The following ATP11B variants were observed in gnomAD, a reference collection of about 807,000 sequenced individuals.
ATP11B encodes the protein phospholipid-transporting ATPase IF.
In ATP11B, 81 loss-of-function variants were observed where a neutral mutation model predicts 157.8. The observed-to-expected ratio is 0.51, with a 90% CI of 0.43 to 0.62. The LOEUF is 0.62. ATP11B is among the 20% of genes least tolerant of loss of function. ATP11B has a pLI of 0.00. For synonymous variants in ATP11B, 451 were observed against 469.4 expected (o/e 0.96, Z 0.51); for missense variants, 1,165 against 1,402.2 (o/e 0.83, Z 2.70).
intron 25 of ATP11B, among the ~76,000 whole-genome samples, chr3:182,891,630 T>A (rs1723183076): frequency 6.6e-6 from 1 of 152,224 alleles, no homozygotes; most frequent in Admixed American, 6.5e-5. Context: ...AGTAACTTTT[T>A]AAAATAAAAT....
At chr3:182,818,965 C>T (rs1271771340) in intron 1 of ATP11B, among the ~76,000 whole-genome samples, 2 of 150,034 alleles carry the variant, frequency 1.3e-5, no homozygotes, top group African/African-American at 4.9e-5. Flanking sequence ...AATTTTGAAT[C>T]GTTTTCCTGT....
chr3:182,853,755 A>G (rs1403476434), intron 10 of ATP11B, among the ~76,000 whole-genome samples: 1 of 151,298 alleles, frequency 6.6e-6, no homozygotes, highest in Non-Finnish European at 1.5e-5. Context: ...TCAGTCTCAA[A>G]ATCACAGCAA....
intron 1 of ATP11B, among the ~76,000 whole-genome samples, chr3:182,797,506 G>A (rs147503040): frequency 0.019 from 2,943 of 152,164 alleles, 36 homozygotes; most frequent in Non-Finnish European, 0.029. Context: ...TCAGGAGTTC[G>A]AGACCAGCCT....
chr3:182,870,929 A>G (rs1703807), intron 17 of ATP11B, among the ~76,000 whole-genome samples: 75,282 of 146,348 alleles, frequency 0.51, 21,566 homozygotes, highest in Non-Finnish European at 0.66. Context: ...CTCCGTCTGA[A>G]AAAAAAAAAA....
chr3:182,794,975 G>T (rs1715507905), intron 1 of ATP11B, among the ~76,000 whole-genome samples: 1 of 151,760 alleles, frequency 6.6e-6, no homozygotes, highest in Non-Finnish European at 1.5e-5. Flanking sequence ...TTAAGACCAA[G>T]AAGTGTGGTG....
chr3:182,807,881 A>C (rs1716424148), intron 1 of ATP11B, among the ~76,000 whole-genome samples: 1 of 152,146 alleles, frequency 6.6e-6, no homozygotes, highest in Non-Finnish European at 1.5e-5. Flanking sequence ...CATAGTTCTA[A>C]GCATATTACC....
At chr3:182,846,356 C>T (rs1719528116) in intron 9 of ATP11B, among the ~76,000 whole-genome samples, 1 of 151,752 alleles carries the variant, frequency 6.6e-6, no homozygotes, top group Non-Finnish European at 1.5e-5. Flanking sequence ...AATTGGAACC[C>T]TTGTACATTG....
At chr3:182,794,071 G>A (rs1715435416) in intron 1 of ATP11B, among the ~76,000 whole-genome samples, 1 of 152,218 alleles carries the variant, frequency 6.6e-6, no homozygotes, top group African/African-American at 2.4e-5. Flanking sequence ...CCGCTCCGGG[G>A]CTGCTGTGGC....
chr3:182,898,475 A>T (rs1264317459), intron 27 of ATP11B, 132 bp from the exon 28 acceptor site: 2 of 582,434 alleles, frequency 3.4e-6, no homozygotes, highest in Admixed American at 7.7e-5. Context: ...TCAGTTAATT[A>T]AATTATACTG....
At chr3:182,904,888 T>TAAAA (rs1004716420) in intron 28 of ATP11B, among the ~76,000 whole-genome samples, 3 of 101,888 alleles carry the variant, frequency 2.9e-5, no homozygotes, top group South Asian at 3.3e-4. Context: ...GACTTCTTCT[T>TAAAA]AAAAAAAAAA....
rs1412308318 is a variant in ATP11B, at chr3:182,869,246, C to T, written c.1781C>T (p.Ala594Val). ...QAPSGEKLLF[A>V]KGAESSILPK... ...TCTCTAGGTGAGAAGTTATTATTTG[C>T]TAAAGGAGCTGAGTCATCAATTCTC... Residue 594 changes from alanine to valine, a missense_variant, in exon 17 of 30, where the codon GCT (alanine) becomes GTT (valine). Coordinates refer to ENST00000323116, the MANE Select transcript of ATP11B (RefSeq NM_014616.3). 2 of 1,608,912 alleles carry T rather than the reference C, an allele frequency of 1.2e-6. No individual in the cohort carries two copies. Among genetic ancestry groups the T allele is most frequent in the Admixed American group, 3.4e-5 (2 of 59,588 alleles).
At chr3:182,914,162 TG>T in intron 29 of ATP11B, 168 bp downstream of exon 29, 1 of 1,431,152 alleles carries the variant, frequency 7.0e-7, no homozygotes, top group East Asian at 2.6e-5. Flanking sequence ...TTTGTGGCTT[TG>T]GGGTAAGGGC....
At chr3:182,866,935 T>A (rs1383483974) in intron 14 of ATP11B, among the ~76,000 whole-genome samples, 3 of 148,968 alleles carry the variant, frequency 2.0e-5, no homozygotes, top group African/African-American at 7.3e-5. Flanking sequence ...ATATATATTT[T>A]TTTTTCTTTT....
chr3:182,838,918 G>A (rs1187631108), intron 7 of ATP11B, among the ~76,000 whole-genome samples: 1 of 152,018 alleles, frequency 6.6e-6, no homozygotes, highest in East Asian at 1.9e-4. Flanking sequence ...GAATGATATA[G>A]GTACATACTG....
Position 182,887,718 on chromosome 3 carries a change from G to C in ATP11B, c.2843+5G>C, listed in dbSNP as rs1364407055. 1.2e-6 allele frequency: 2 copies of C among 1,605,380 alleles called. No homozygotes were observed. The highest frequency in any genetic ancestry group is 1.7e-6 in the Non-Finnish European group (2 of 1,178,128). On this transcript the variant is annotated splice_donor_5th_base_variant and intron_variant, in intron 24 of 29. Coordinates refer to ENST00000323116, the MANE Select transcript of ATP11B (RefSeq NM_014616.3). The stretch of plus-strand genomic sequence containing the variant: ...AAATAAGCCCACCCTTTATCGGTAA[G>C]TATTTTCTGGTATTAAATGGCCTTA...
intron 12 of ATP11B, among the ~76,000 whole-genome samples, chr3:182,860,621 C>G (rs534112743): frequency 6.6e-6 from 1 of 152,144 alleles, no homozygotes; most frequent in Non-Finnish European, 1.5e-5. Context: ...TTGAAACTTA[C>G]TATTTGCATG....
In ATP11B at chr3:182,873,850, GA is replaced by G; in HGVS notation, c.2089del (p.Met697TrpfsTer20). On this transcript the variant is annotated frameshift_variant, in exon 19 of 30. Coordinates refer to ENST00000323116, the MANE Select transcript of ATP11B (RefSeq NM_014616.3). LOFTEE classifies it high-confidence loss of function. ...GTTCGAGAAACTATTGAAGCATTGA[GA>G]ATGGCTGGTATCAAAGTATGGGTAC... ...DKVRETIEAL[R>X]MAGIKVWVLT... The G allele has an allele frequency of 1.2e-6, 2 of 1,614,104 alleles. No homozygotes were observed. The highest frequency in any genetic ancestry group is 1.7e-6 in the Non-Finnish European group (2 of 1,179,996).
At chr3:182,887,927 C>T (rs1334981765) in intron 24 of ATP11B, among the ~76,000 whole-genome samples, 1 of 152,106 alleles carries the variant, frequency 6.6e-6, no homozygotes, top group Non-Finnish European at 1.5e-5. Context: ...GCACTTTCAT[C>T]CTGGGAATGC....
chr3:182,826,014 A>G (rs1325718101), intron 2 of ATP11B, among the ~76,000 whole-genome samples: 1 of 152,230 alleles, frequency 6.6e-6, no homozygotes, highest in Non-Finnish European at 1.5e-5. Context: ...TAGAGAAGTT[A>G]CACTTCTAAT....
Sources: gnomAD v4.1 joint callset for allele counts (sites outside exome capture counted in the v4.1 genomes callset) on GRCh38, gnomAD v4.1.1 for gene constraint, MANE v1.5 for transcripts, NCBI Gene and HGNC (gene_info 2026-07-23, HGNC 2026-07-21) for gene names.